The following MXD3 variants were observed in gnomAD, a reference collection of about 807,000 sequenced individuals.
MXD3 encodes Max-associated protein 3.
In MXD3, 20 loss-of-function variants were observed where a neutral mutation model predicts 27.5. The observed-to-expected ratio is 0.73, with a 90% CI of 0.51 to 1.06. The LOEUF (loss-of-function observed/expected upper bound fraction) is 1.06. Among genes scored for constraint, MXD3 ranks in the 50% least tolerant of loss-of-function variants. The pLI is 0.00. For missense variants in MXD3, 298 were observed against 291.3 expected (o/e 1.02, Z -0.17); for synonymous variants, 150 against 130.7 (o/e 1.15, Z -1.01).
intron 4 of MXD3, among the ~76,000 whole-genome samples, chr5:177,310,010 G>T (rs1356926097): frequency 2.6e-5 from 4 of 152,178 alleles, no homozygotes; most frequent in African/African-American, 9.7e-5. Context: ...AGGAGGCCTT[G>T]AAGGTGAGAG....
rs141349755 is a variant in MXD3, at chr5:177,307,675, C to G, written c.534G>C (p.Leu178=). The G allele has an allele frequency of 6.2e-6, 10 of 1,613,594 alleles. No homozygotes were observed. The highest frequency in any genetic ancestry group is 4.4e-5 in the South Asian group (4 of 91,086). ...GCAGCTCGGCCTCACCCCCAAACAC[C>G]AGGCTCTCCACATCCACCTCCAGCT... The part of the protein sequence containing the change: ...QEELEVDVES[L]VFGGEAELLR... Residue 178 remains leucine (L), a synonymous_variant, in exon 6 of 6, where the codon CTG becomes CTC. Coordinates refer to ENST00000439742, the MANE Select transcript of MXD3 (RefSeq NM_031300.4).
chr5:177,312,240 C>G, upstream of MXD3: 5 of 987,362 alleles, frequency 5.1e-6, no homozygotes, highest in Non-Finnish European at 6.0e-6. Context: ...CTCTGGGGGC[C>G]TGGTGGTCCC....
chr5:177,310,290 G>T, intron 4 of MXD3, 136 bp downstream of exon 4: 1 of 639,928 alleles, frequency 1.6e-6, no homozygotes, highest in Non-Finnish European at 2.7e-6. Flanking sequence ...GAAAGTAAAA[G>T]CTCAGAGAGC....
chr5:177,311,988 C>T, upstream of MXD3: 7 of 1,302,514 alleles, frequency 5.4e-6, no homozygotes, highest in Non-Finnish European at 6.9e-6. Context: ...CTTGGCTCCG[C>T]CCCTCTGGAA....
chr5:177,311,970 G>A, upstream of MXD3: 1 of 1,325,090 alleles, frequency 7.5e-7, no homozygotes, highest in Non-Finnish European at 9.7e-7. Flanking sequence ...CCGCGGGAAC[G>A]CCCAGCCCTT....
upstream of MXD3, chr5:177,312,080 C>T: frequency 8.4e-7 from 1 of 1,193,888 alleles, no homozygotes; most frequent in Admixed American, 4.4e-5. Flanking sequence ...GGTAAGGGCG[C>T]TGGCTCCAGG....
chr5:177,306,072 T>C, downstream of MXD3: 3 of 1,603,522 alleles, frequency 1.9e-6, no homozygotes, highest in Non-Finnish European at 2.6e-6. Context: ...CAACTCAGTA[T>C]CCTTCCCATT....
At chr5:177,306,463 G>A (rs1247944088), downstream of MXD3, 5 of 1,614,064 alleles carry the variant, frequency 3.1e-6, no homozygotes, top group Middle Eastern at 1.6e-4. Context: ...AGCCAAGGAA[G>A]CCAAGGAGAA....
At chr5:177,306,336 C>A, downstream of MXD3, 1 of 1,598,708 alleles carries the variant, frequency 6.3e-7, no homozygotes, top group Non-Finnish European at 8.5e-7. Context: ...GGAGCCTGGC[C>A]CAGAGGAGAT....
chr5:177,311,733 C>A (rs746355113), intron 1 of MXD3, 28 bp downstream of exon 1: 1 of 1,608,544 alleles, frequency 6.2e-7, no homozygotes, highest in South Asian at 1.1e-5. Context: ...GGTCGCCGCC[C>A]GGAATTCAGC....
In MXD3 at chr5:177,307,874, G is replaced by T. The variant is rs773357603; in HGVS notation, c.412C>A (p.Arg138=). 6.2e-7 allele frequency: 1 copy of T among 1,608,128 alleles called. No individual in the cohort carries two copies. Among genetic ancestry groups the T allele is most frequent in the African/African-American group, 1.3e-5 (1 of 74,942 alleles). Residue 138 remains arginine (R), a synonymous_variant, in exon 5 of 6, where the codon CGG becomes AGG. Coordinates refer to ENST00000439742, the MANE Select transcript of MXD3 (RefSeq NM_031300.4). The part of the protein sequence containing the change: ...QSLQRQLEQL[R]GLAGAAERER... ...CGCTCGGCCGCCCCTGCCAGCCCCC[G>T]GAGCTGCTCCAGCTGCCGCTGCAGG...
At chr5:177,305,684 T>G (rs775007397), downstream of MXD3, 22 of 592,634 alleles carry the variant, frequency 3.7e-5, no homozygotes, top group Non-Finnish European at 6.0e-5. Context: ...AGAAGAGAGG[T>G]TTTCGAGAGC....
upstream of MXD3, chr5:177,312,156 A>C: frequency 9.6e-7 from 1 of 1,038,274 alleles, no homozygotes; most frequent in South Asian, 3.1e-5. Flanking sequence ...TCATCCACCC[A>C]CGCCGGCTCA....
At chr5:177,311,923 A>G (rs541444324), upstream of MXD3, 5 of 1,459,978 alleles carry the variant, frequency 3.4e-6, no homozygotes, top group East Asian at 8.1e-5. Flanking sequence ...ACGGTGCAAC[A>G]AACACAGGGG....
rs559234127 is a variant in MXD3, at chr5:177,307,580, G to A, written c.*8C>T. 6.2e-7 allele frequency: 1 copy of A among 1,612,080 alleles called. No homozygotes were observed. Among genetic ancestry groups the A allele is most frequent in the Admixed American group, 1.7e-5 (1 of 59,982 alleles). On this transcript the variant is annotated 3_prime_UTR_variant, in exon 6 of 6. Coordinates refer to ENST00000439742, the MANE Select transcript of MXD3 (RefSeq NM_031300.4). ...TAGAGGGCAGAGGCCCGCCCTGGGT[G>A]AGGAACATCATAGCCAGGCGCCGCC...
At position 177,307,681 on chromosome 5, in the gene MXD3, C is replaced by T; in HGVS notation, c.528G>A (p.Glu176=). 6.2e-7 allele frequency: 1 copy of T among 1,613,758 alleles called. No individual in the cohort carries two copies. Among genetic ancestry groups the T allele is most frequent in the Non-Finnish European group, 8.5e-7 (1 of 1,179,938 alleles). ...CGGCCTCACCCCCAAACACCAGGCT[C>T]TCCACATCCACCTCCAGCTCCTCTG... ...SDQEELEVDV[E]SLVFGGEAEL... Residue 176 remains glutamate, a synonymous_variant, in exon 6 of 6, where the codon GAG becomes GAA. Coordinates refer to ENST00000439742, the MANE Select transcript of MXD3 (RefSeq NM_031300.4).
rs1025871350 is a variant in MXD3 at position 177,311,538 on chromosome 5, G to A, written c.71-54C>T. The A allele has an allele frequency of 1.2e-5, 16 of 1,306,258 alleles. No homozygotes were observed. The African/African-American group carries it at 2.1e-4, about 17-fold the overall frequency. 80.9% of individuals were successfully genotyped at this position (1,306,258 alleles called of 1,614,324 possible). On this transcript the variant is annotated intron_variant, in intron 1 of 5. Transcript: ENST00000439742. ...GGCTGGGGCTGGACCTGGTCCCAGC[G>A]GCAGCCCCAGGCACAGCACGGTCAA...
At chr5:177,307,115 A>G, downstream of MXD3, 1 of 1,505,102 alleles carries the variant, frequency 6.6e-7, no homozygotes, top group Non-Finnish European at 8.9e-7. Context: ...CACGGCCAAC[A>G]GTGTCAGTGA....
At chr5:177,306,200 T>C (rs1025349965), downstream of MXD3, 8 of 1,600,230 alleles carry the variant, frequency 5.0e-6, no homozygotes, top group Middle Eastern at 1.7e-4. Context: ...TATGTGGATA[T>C]TCCTCATAGG....
Sources: gnomAD v4.1 joint callset for allele counts (sites outside exome capture counted in the v4.1 genomes callset) on GRCh38, gnomAD v4.1.1 for gene constraint, MANE v1.5 for transcripts, NCBI Gene and HGNC (gene_info 2026-07-23, HGNC 2026-07-21) for gene names.